Variants in CPQ observed in about 807,000 individuals in gnomAD.
CPQ encodes Ser-Met dipeptidase.
In CPQ, 37 loss-of-function variants were observed where a neutral mutation model predicts 45.7. The ratio of observed to expected loss-of-function variants is 0.81; its 90% CI spans 0.62 to 1.07. CPQ has a LOEUF of 1.07. Among genes scored for constraint, CPQ ranks in the 50% least tolerant of loss-of-function variants. The pLI, the probability that CPQ is intolerant of heterozygous loss-of-function variation, is 0.00. For missense variants in CPQ, 537 were observed against 572.9 expected (o/e 0.94, Z 0.64); for synonymous variants, 186 against 205.8 (o/e 0.90, Z 0.82).
At chr8:96,787,295 G>C (rs540169078) in intron 2 of CPQ, among the ~76,000 whole-genome samples, 1 of 152,046 alleles carries the variant, frequency 6.6e-6, no homozygotes, top group Non-Finnish European at 1.5e-5. Context: ...TCATTCAGTT[G>C]TCTCAGCTTC....
intron 3 of CPQ, among the ~76,000 whole-genome samples, chr8:96,872,931 T>G (rs951865996): frequency 6.6e-6 from 1 of 151,912 alleles, no homozygotes; most frequent in Non-Finnish European, 1.5e-5. Flanking sequence ...TTGAATCTTC[T>G]TTATATTTTT....
At chr8:97,120,428 A>C (rs2513416) in intron 7 of CPQ, among the ~76,000 whole-genome samples, 119,662 of 150,200 alleles carry the variant, frequency 0.8, 47,930 homozygotes, top group African/African-American at 0.89. Context: ...CCCTCTATAC[A>C]CAACTCCAGA....
chr8:96,873,355 G>T (rs972113406), intron 3 of CPQ, among the ~76,000 whole-genome samples: 1 of 150,348 alleles, frequency 6.7e-6, no homozygotes, highest in Non-Finnish European at 1.5e-5. Flanking sequence ...GAATATTTTA[G>T]TGCTCCCCCT....
intron 4 of CPQ, among the ~76,000 whole-genome samples, chr8:96,929,030 A>G (rs1241664465): frequency 6.6e-6 from 1 of 152,212 alleles, no homozygotes; most frequent in African/African-American, 2.4e-5. Context: ...TCCTCTCCCC[A>G]GCCAACGTCT....
chr8:97,128,328 C>G (rs986929622), intron 7 of CPQ, among the ~76,000 whole-genome samples: 15 of 152,166 alleles, frequency 9.9e-5, no homozygotes, highest in African/African-American at 3.6e-4. Context: ...TAAGTCCTAG[C>G]TCTCCTATTT....
chr8:96,809,017 G>T lies in CPQ; in HGVS notation c.433+23687G>T, dbSNP rs141520325. 1.8e-3 allele frequency among the ~76,000 whole-genome samples: 278 copies of T among 152,260 alleles called. 2 individuals are homozygous for T. The highest frequency in any genetic ancestry group is 6.5e-3 in the African/African-American group (269 of 41,550). On this transcript the variant is annotated intron_variant, in intron 2 of 7. Coordinates refer to ENST00000220763, the MANE Select transcript of CPQ (RefSeq NM_016134.4). ...GAATGTGCTTTGAAAACTGCAAGGGGATACATAAATTTGTACTATTAATGC... is the reference window on the plus strand; with the variant it reads ...GAATGTGCTTTGAAAACTGCAAGGGTATACATAAATTTGTACTATTAATGC...
At chr8:96,704,799 C>A (rs1809511915) in intron 1 of CPQ, among the ~76,000 whole-genome samples, 2 of 152,062 alleles carry the variant, frequency 1.3e-5, no homozygotes, top group South Asian at 4.1e-4. Flanking sequence ...GATAGTGCAA[C>A]CATTCATGGT....
At chr8:97,059,885 T>C (rs190297854) in intron 6 of CPQ, among the ~76,000 whole-genome samples, 7 of 152,306 alleles carry the variant, frequency 4.6e-5, no homozygotes, top group Non-Finnish European at 1.0e-4. Flanking sequence ...GTGTGGAGTT[T>C]ACTTCTTTGA....
At chr8:97,055,026 G>A (rs1029019176) in intron 6 of CPQ, among the ~76,000 whole-genome samples, 17 of 149,412 alleles carry the variant, frequency 1.1e-4, no homozygotes, top group Middle Eastern at 3.2e-3. Flanking sequence ...GAAAATAATA[G>A]TTACCCTCTC....
intron 1 of CPQ, among the ~76,000 whole-genome samples, chr8:96,648,516 G>T (rs1019693615): frequency 6.6e-6 from 1 of 152,130 alleles, no homozygotes; most frequent in Non-Finnish European, 1.5e-5. Context: ...GGATGTACTT[G>T]TGGATCTGTG....
At chr8:96,874,423 TCATCATCCCAAAA>T (rs766388430) in intron 3 of CPQ, among the ~76,000 whole-genome samples, 5 of 151,760 alleles carry the variant, frequency 3.3e-5, no homozygotes, top group Non-Finnish European at 5.9e-5. Context: ...TTAGGACATT[TCATCATCCCAAAA>T]AGAAACCTCA....
chr8:96,708,693 T>G (rs1251957224), intron 1 of CPQ, among the ~76,000 whole-genome samples: 1 of 152,146 alleles, frequency 6.6e-6, no homozygotes, highest in Non-Finnish European at 1.5e-5. Flanking sequence ...GCTGCATTGT[T>G]GTATAGCTAT....
Position 96,734,736 on chromosome 8 carries a change from TAAATA to T in CPQ, c.-34-50104_-34-50100del, listed in dbSNP as rs892317305. ...AAAAATAAAATAAAATAAAATAAAA[TAAATA>T]AAATAAAATAAAATAAAATAAAAAA... On this transcript the variant is annotated intron_variant, in intron 1 of 7. Transcript: ENST00000220763. Among the ~76,000 whole-genome samples the T allele has an allele frequency of 1.4e-3, 83 of 60,490 alleles. 1 individual carries two copies. The highest frequency in any genetic ancestry group is 0.011 in the Middle Eastern group (1 of 94). The allele number at this position is 60,490 out of a possible 152,430, so 39.7% of individuals were successfully genotyped here.
At chr8:96,783,111 A>G (rs993586396) in intron 1 of CPQ, among the ~76,000 whole-genome samples, 3 of 152,044 alleles carry the variant, frequency 2.0e-5, no homozygotes, top group Admixed American at 6.6e-5. Flanking sequence ...TTAATACTGC[A>G]TTCATTGTAA....
At chr8:96,907,116 G>C (rs1395856344) in intron 4 of CPQ, among the ~76,000 whole-genome samples, 1 of 152,166 alleles carries the variant, frequency 6.6e-6, no homozygotes, top group Non-Finnish European at 1.5e-5. Flanking sequence ...TTAGGGTAAA[G>C]TATAGCTGCT....
intron 5 of CPQ, among the ~76,000 whole-genome samples, chr8:97,027,776 A>G (rs1214533276): frequency 1.3e-5 from 2 of 152,344 alleles, no homozygotes; most frequent in East Asian, 3.9e-4. Flanking sequence ...TGTGTCAAAC[A>G]ATCTAGGAAT....
chr8:96,702,528 C>A (rs1031478472), intron 1 of CPQ, among the ~76,000 whole-genome samples: 4 of 152,250 alleles, frequency 2.6e-5, no homozygotes, highest in African/African-American at 9.6e-5. Context: ...ATTTTGATAG[C>A]TAACACTTAA....
At chr8:96,658,671 G>C (rs115807438) in intron 1 of CPQ, among the ~76,000 whole-genome samples, 1,777 of 152,330 alleles carry the variant, frequency 0.012, 43 homozygotes, top group African/African-American at 0.039. Context: ...TTTAAAAGTG[G>C]AAGAGTGAAG....
At chr8:96,687,892 G>T (rs111668318) in intron 1 of CPQ, among the ~76,000 whole-genome samples, 3,684 of 152,004 alleles carry the variant, frequency 0.024, 163 homozygotes, top group African/African-American at 0.084. Context: ...TTGCAAATGG[G>T]CAGTTTTGTG....
Sources: allele counts gnomAD v4.1 joint callset (sites outside exome capture counted in the v4.1 genomes callset), GRCh38; gene constraint gnomAD v4.1.1; transcripts MANE v1.5; gene names NCBI Gene and HGNC (gene_info 2026-07-23, HGNC 2026-07-21).